RGS8: variants seen among roughly 807,000 people sequenced by gnomAD.
RGS8 encodes the protein regulator of G protein signaling 8.
A neutral mutation model predicts 21.7 loss-of-function variants in RGS8; 8 were observed. The ratio of observed to expected loss-of-function variants is 0.37; its 90% CI spans 0.22 to 0.66. The LOEUF (loss-of-function observed/expected upper bound fraction) is 0.66, where lower values mean the gene tolerates loss of function less well. Among genes scored for constraint, RGS8 ranks in the 30% least tolerant of loss-of-function variants. The probability of loss-of-function intolerance (pLI) is 0.59; values close to 1 mark genes in which losing one functional copy is unlikely to be tolerated. For synonymous variants in RGS8, 80 were observed against 83.6 expected (o/e 0.96, Z 0.24); for missense variants, 157 against 217.9 (o/e 0.72, Z 1.76).
intron 5 of RGS8, among the ~76,000 whole-genome samples, chr1:182,648,848 C>T (rs558287726): frequency 8.5e-5 from 13 of 152,266 alleles, no homozygotes; most frequent in Admixed American, 8.5e-4. Flanking sequence ...TGCCTGTAAT[C>T]CCAGCACTTT....
the RGS8 span, among the ~76,000 whole-genome samples, chr1:182,721,044 T>TATACAC: frequency 2.9e-3 from 142 of 48,958 alleles, 31 homozygotes; most frequent in Admixed American, 6.4e-3. Flanking sequence ...TATATACATA[T>TATACAC]ACATACATAT....
At chr1:182,685,026 GC>G (rs1272665327), upstream of RGS8, among the ~76,000 whole-genome samples, 1 of 151,504 alleles carries the variant, frequency 6.6e-6, no homozygotes, top group Non-Finnish European at 1.5e-5. Flanking sequence ...GGCCACTTTT[GC>G]TTAGGATTTC....
intron 3 of RGS8, among the ~76,000 whole-genome samples, chr1:182,667,695 C>A (rs912506152): frequency 6.6e-6 from 1 of 152,144 alleles, no homozygotes; most frequent in East Asian, 1.9e-4. Flanking sequence ...GTTTACATTT[C>A]TCATATGTTT....
At chr1:182,676,041 T>C (rs1375069256), upstream of RGS8, among the ~76,000 whole-genome samples, 3 of 152,136 alleles carry the variant, frequency 2.0e-5, no homozygotes, top group East Asian at 3.8e-4. Context: ...AGCCTTCTGG[T>C]CAAGACTGAA....
chr1:182,740,920 A>G, the RGS8 span, among the ~76,000 whole-genome samples: 4 of 152,154 alleles, frequency 2.6e-5, no homozygotes, highest in Admixed American at 2.6e-4. Flanking sequence ...TCTTCTTAGT[A>G]CAGAACAAAA....
intron 3 of RGS8, 87 bp downstream of exon 4, chr1:182,669,537 G>C: frequency 6.3e-7 from 1 of 1,595,570 alleles, no homozygotes; most frequent in Non-Finnish European, 8.6e-7. Flanking sequence ...CAGAAGGCTT[G>C]GGCCAGACTC....
At chr1:182,744,168 T>C in the RGS8 span, among the ~76,000 whole-genome samples, 2 of 152,214 alleles carry the variant, frequency 1.3e-5, no homozygotes, top group East Asian at 3.8e-4. Flanking sequence ...GTTGTTTGTT[T>C]GTTTTTTGAG....
At chr1:182,649,286 C>T (rs905078725) in intron 5 of RGS8, among the ~76,000 whole-genome samples, 46 of 152,250 alleles carry the variant, frequency 3.0e-4, no homozygotes, top group African/African-American at 1.1e-3. Context: ...AAACACACAA[C>T]TTGTTACAAG....
At chr1:182,740,508 A>C in the RGS8 span, among the ~76,000 whole-genome samples, 1 of 143,774 alleles carries the variant, frequency 7.0e-6, no homozygotes, top group Non-Finnish European at 1.5e-5. Context: ...ATTTGAACTC[A>C]TTTCAGGATT....
the RGS8 span, among the ~76,000 whole-genome samples, chr1:182,717,781 C>A: frequency 1.3e-5 from 2 of 152,178 alleles, no homozygotes; most frequent in Admixed American, 1.3e-4. Flanking sequence ...TTTTGTCTGT[C>A]CTGGTCACTG....
chr1:182,649,306 AG>A (rs989591540), intron 5 of RGS8, among the ~76,000 whole-genome samples: 2 of 152,166 alleles, frequency 1.3e-5, no homozygotes, highest in African/African-American at 4.8e-5. Context: ...GATGAACTAG[AG>A]GGAAGTGTGA....
chr1:182,713,440 T>G, the RGS8 span, among the ~76,000 whole-genome samples: 1 of 152,178 alleles, frequency 6.6e-6, no homozygotes, highest in African/African-American at 2.4e-5. Flanking sequence ...TGCCTCAGCC[T>G]CCCAAAATGC....
At chr1:182,698,177 T>C in the RGS8 span, among the ~76,000 whole-genome samples, 1 of 152,134 alleles carries the variant, frequency 6.6e-6, no homozygotes, top group Non-Finnish European at 1.5e-5. Context: ...AAAGGTAAAA[T>C]CAAGGAGAAG....
the RGS8 span, among the ~76,000 whole-genome samples, chr1:182,700,351 G>A: frequency 1.6e-4 from 25 of 152,106 alleles, no homozygotes; most frequent in African/African-American, 6.0e-4. Flanking sequence ...AACATTCCCC[G>A]CGACACACAC....
At chr1:182,680,564 T>C (rs941891248) in intron 1 of RGS8, among the ~76,000 whole-genome samples, 10 of 152,120 alleles carry the variant, frequency 6.6e-5, no homozygotes, top group African/African-American at 2.4e-4. Flanking sequence ...CATAGCTAGG[T>C]ACCTGCAACT....
the RGS8 span, among the ~76,000 whole-genome samples, chr1:182,728,650 T>C: frequency 6.6e-6 from 1 of 152,172 alleles, no homozygotes; most frequent in Non-Finnish European, 1.5e-5. Flanking sequence ...TAGTATTCTT[T>C]AAAGATTCAA....
At chr1:182,695,809 A>G in the RGS8 span, among the ~76,000 whole-genome samples, 1 of 152,216 alleles carries the variant, frequency 6.6e-6, no homozygotes, top group African/African-American at 2.4e-5. Flanking sequence ...TTGGAGGTCA[A>G]TACACTACAG....
the RGS8 span, among the ~76,000 whole-genome samples, chr1:182,692,873 C>T: frequency 1.1e-4 from 16 of 152,140 alleles, no homozygotes; most frequent in East Asian, 7.7e-4. Flanking sequence ...AAACAAGCAA[C>T]GGGGAAAGGA....
At position 182,669,772 on chromosome 1, in the gene RGS8, T is replaced by C. The variant is rs1664061474; in HGVS notation, c.-103-20A>G. On this transcript the variant is annotated intron_variant, in intron 2 of 6. Transcript: ENST00000483095. ...TCTCACCTAAAATCAAAGAATCTGC[T>C]GTAAGAGGGGCCACCCTCTCTCATC... 6 of 1,559,218 alleles carry C rather than the reference T, an allele frequency of 3.8e-6. No homozygotes were observed. Among genetic ancestry groups the C allele is most frequent in the Non-Finnish European group, 3.5e-6 (4 of 1,151,290 alleles).
Sources: allele counts gnomAD v4.1 joint callset (sites outside exome capture counted in the v4.1 genomes callset), GRCh38; gene constraint gnomAD v4.1.1; transcripts MANE v1.5; gene names NCBI Gene and HGNC (gene_info 2026-07-23, HGNC 2026-07-21).